The following ATAD5 variants were observed in gnomAD, a reference collection of about 807,000 sequenced individuals.
ATAD5 encodes ATPase family AAA domain containing 5, also known as ATPase family AAA domain-containing protein 5.
In ATAD5, 58 loss-of-function variants were observed where a neutral mutation model predicts 176.9. The ratio of observed to expected loss-of-function variants is 0.33; its 90% confidence interval spans 0.27 to 0.41. ATAD5 has a LOEUF of 0.41. Ranked by LOEUF, ATAD5 falls within the 10% of genes least tolerant of loss-of-function variation. The pLI is 1.00. For synonymous variants in ATAD5, 640 were observed against 712.6 expected, an observed-to-expected ratio of 0.90 and a Z score of 1.62; for missense variants, 1,789 against 2,094.1, an observed-to-expected ratio of 0.85 and a Z score of 2.84.
At chr17:30,865,063 C>CT (rs1321728351) in intron 10 of ATAD5, 3 of 146,802 alleles carry the variant, frequency 2.0e-5, no homozygotes, top group African/African-American at 7.6e-5. Context: ...GTACATGTGT[C>CT]TTTTTGGTAG....
Position 30,832,326 on chromosome 17 carries a change from G to C in ATAD5, c.-22G>C. On this transcript the variant is annotated 5_prime_UTR_variant, in exon 1 of 23. Coordinates refer to ENST00000321990, the MANE Select transcript of ATAD5 (RefSeq NM_024857.5). ...TGGACCGCGTGAGGTCCTAGGAGACGGGATTCCGGGAAGCGGGGAGTATGG... is the reference window on the plus strand; with the variant it reads ...TGGACCGCGTGAGGTCCTAGGAGACCGGATTCCGGGAAGCGGGGAGTATGG... The C allele has an allele frequency of 6.5e-7, 1 of 1,537,068 alleles. No individual in the cohort carries two copies. The highest frequency in any genetic ancestry group is 1.7e-4 in the Middle Eastern group (1 of 5,740).
chr17:30,890,941 C>A (rs1297372546), intron 19 of ATAD5, among the ~76,000 whole-genome samples: 1 of 152,114 alleles, frequency 6.6e-6, no homozygotes, highest in Non-Finnish European at 1.5e-5. Flanking sequence ...CGATCCTATC[C>A]CACTGTCTTT....
At chr17:30,844,541 A>T (rs1906350553) in intron 5 of ATAD5, among the ~76,000 whole-genome samples, 1 of 136,260 alleles carries the variant, frequency 7.3e-6, no homozygotes, top group Non-Finnish European at 1.5e-5. Context: ...TGGTATAGTG[A>T]AGAGTTTTTC....
At position 30,839,103 on chromosome 17, in the gene ATAD5, G is replaced by A. The variant is rs145701558; in HGVS notation, c.2077-1514G>A. Among the ~76,000 whole-genome samples the A allele has an allele frequency of 7.4e-3, 1,127 of 152,126 alleles. 17 individuals are homozygous for A. Among genetic ancestry groups the A allele is most frequent in the African/African-American group, 0.026 (1,067 of 41,492 alleles). On this transcript the variant is annotated intron_variant, in intron 3 of 22. Transcript: ENST00000321990. ...GGACTCCCACAGTGCTGTGCTGGTTGGTATTCAGGCATGAGCCACTGTGCC... is the reference window on the plus strand; with the variant it reads ...GGACTCCCACAGTGCTGTGCTGGTTAGTATTCAGGCATGAGCCACTGTGCC...
Position 30,832,052 on chromosome 17 carries a change from C to G in ATAD5, c.-296C>G. On this transcript the variant is annotated 5_prime_UTR_variant, in exon 1 of 23. Transcript: ENST00000321990. Reference sequence around the variant, plus strand: ...TCTGCGGTCCGCTTGCTTTCCCTGCCCGGTCCCGAGCGCTCAGCCTGAAGC... The same window carrying G: ...TCTGCGGTCCGCTTGCTTTCCCTGCGCGGTCCCGAGCGCTCAGCCTGAAGC... 2.6e-6 allele frequency: 1 copy of G among 378,858 alleles called. No homozygotes were observed. The highest frequency in any genetic ancestry group is 4.7e-6 in the Non-Finnish European group (1 of 213,860). The allele number at this position is 378,858 out of a possible 1,614,324, so 23.5% of individuals were successfully genotyped here.
intron 17 of ATAD5, 30 bp from the exon 18 acceptor site, chr17:30,879,390 ATTT>A: frequency 7.4e-6 from 9 of 1,210,550 alleles, no homozygotes; most frequent in Admixed American, 4.5e-5. Context: ...GTGTTTAAGA[ATTT>A]TTTTTTTTTG....
chr17:30,881,801 C>T (rs989208982), intron 18 of ATAD5, among the ~76,000 whole-genome samples: 6 of 151,982 alleles, frequency 3.9e-5, no homozygotes, highest in African/African-American at 1.5e-4. Flanking sequence ...GTAGTCCCAG[C>T]TACTTGGGAG....
At chr17:30,884,680 CG>C in intron 18 of ATAD5, among the ~76,000 whole-genome samples, 1 of 151,228 alleles carries the variant, frequency 6.6e-6, no homozygotes, top group East Asian at 1.9e-4. Flanking sequence ...CTGCCCGCCT[CG>C]GCCTCCCAAA....
intron 6 of ATAD5, among the ~76,000 whole-genome samples, chr17:30,846,408 T>C (rs911016130): frequency 8.0e-5 from 12 of 149,894 alleles, no homozygotes; most frequent in South Asian, 6.3e-4. Context: ...TTTTTTTTTT[T>C]TCTTTTTTTT....
chr17:30,881,900 A>G (rs1909036923), intron 18 of ATAD5, among the ~76,000 whole-genome samples: 1 of 149,446 alleles, frequency 6.7e-6, no homozygotes, highest in Non-Finnish European at 1.5e-5. Flanking sequence ...GTGACAGAGC[A>G]AGACCCTGTC....
In ATAD5 at chr17:30,858,207, T is replaced by C. The variant is rs760274346; in HGVS notation, c.2840T>C (p.Leu947Ser). Residue 947 changes from leucine to serine, a missense_variant, in exon 9 of 23, where the codon TTG becomes TCG. Coordinates refer to ENST00000321990, the MANE Select transcript of ATAD5 (RefSeq NM_024857.5). The part of the protein sequence containing the change: ...KEFTEEVRNL[L>S]LEEIRWSNPE... Reference sequence around the variant, plus strand: ...TTTACTGAAGAAGTAAGAAATCTTTTGCTTGAGGAAATTAGGTGGTCAAAT... The same window carrying C: ...TTTACTGAAGAAGTAAGAAATCTTTCGCTTGAGGAAATTAGGTGGTCAAAT... The C allele has an allele frequency of 1.3e-6, 2 of 1,591,340 alleles. No homozygotes were observed. Among genetic ancestry groups the C allele is most frequent in the Non-Finnish European group, 1.7e-6 (2 of 1,170,214 alleles).
intron 3 of ATAD5, among the ~76,000 whole-genome samples, chr17:30,838,564 A>G (rs1218134085): frequency 6.6e-6 from 1 of 152,216 alleles, no homozygotes; most frequent in Non-Finnish European, 1.5e-5. Flanking sequence ...GCAGTTAGAA[A>G]GACGGTCTTT....
At chr17:30,864,963 C>T (rs1050122452) in intron 10 of ATAD5, 4 of 147,974 alleles carry the variant, frequency 2.7e-5, no homozygotes, top group African/African-American at 5.1e-5. Context: ...CTCTGTTGCT[C>T]AGGCTGGAGT....
At chr17:30,873,636 A>G (rs1353890928) in intron 14 of ATAD5, among the ~76,000 whole-genome samples, 3 of 151,004 alleles carry the variant, frequency 2.0e-5, no homozygotes, top group African/African-American at 7.3e-5. Context: ...TAGAAAGAAT[A>G]TATTGATATA....
intron 18 of ATAD5, among the ~76,000 whole-genome samples, chr17:30,883,770 C>T (rs1213781057): frequency 1.3e-5 from 2 of 151,980 alleles, no homozygotes; most frequent in East Asian, 1.9e-4. Context: ...AGAATGGTTT[C>T]GATCTCCTGA....
chr17:30,846,911 G>T (rs1906543972), intron 6 of ATAD5, among the ~76,000 whole-genome samples: 1 of 151,626 alleles, frequency 6.6e-6, no homozygotes, highest in Admixed American at 6.6e-5. Context: ...TAGAGATGGG[G>T]TTTTTCCATG....
intron 5 of ATAD5, 69 bp from the exon 6 acceptor site, chr17:30,844,766 A>G (rs1456652931): frequency 2.0e-6 from 2 of 1,009,696 alleles, no homozygotes; most frequent in African/African-American, 3.4e-5. Context: ...AAAAAAAAAA[A>G]AAAAAAGAAA....
intron 6 of ATAD5, among the ~76,000 whole-genome samples, chr17:30,854,405 T>G (rs1423368491): frequency 1.6e-5 from 2 of 122,976 alleles, no homozygotes; most frequent in Non-Finnish European, 3.2e-5. Context: ...GGAGTCTCCC[T>G]CTTTCACCCA....
chr17:30,844,625 G>A (rs1236762082), intron 5 of ATAD5, among the ~76,000 whole-genome samples: 6 of 146,954 alleles, frequency 4.1e-5, no homozygotes, highest in Admixed American at 1.4e-4. Context: ...GTAGGTACCC[G>A]TAGTTCCAGC....
Sources: allele counts gnomAD v4.1 joint callset (sites outside exome capture counted in the v4.1 genomes callset), GRCh38; gene constraint gnomAD v4.1.1; transcripts MANE v1.5; gene names NCBI Gene and HGNC (gene_info 2026-07-23, HGNC 2026-07-21).